Variants in INTU observed in about 807,000 individuals in gnomAD.
The protein encoded by INTU is protein inturned.
A neutral mutation model predicts 100.5 loss-of-function variants in INTU; 68 were observed. That is an observed-to-expected ratio of 0.68 (90% CI 0.56 to 0.83). INTU has a LOEUF of 0.83. INTU is among the 40% of genes least tolerant of loss of function. The pLI is 0.00. For missense variants in INTU, 1,071 were observed against 1,114.7 expected, an observed-to-expected ratio of 0.96 and a Z score of 0.56; for synonymous variants, 357 against 395.7, an observed-to-expected ratio of 0.90 and a Z score of 1.16.
At chr4:127,674,009 C>G (rs546379232) in intron 5 of INTU, 115 bp from the exon 6 acceptor site, 36 of 525,492 alleles carry the variant, frequency 6.9e-5, no homozygotes, top group African/African-American at 6.7e-4. Context: ...AAAGAAATCA[C>G]TTATTAAGTA....
At chr4:127,671,586 A>G (rs4834209) in intron 5 of INTU, among the ~76,000 whole-genome samples, 66,818 of 151,854 alleles carry the variant, frequency 0.44, 15,576 homozygotes, top group South Asian at 0.65. Flanking sequence ...TAGAACTACA[A>G]TTTGATCCAG....
chr4:127,670,002 C>T lies in INTU; in HGVS notation c.1091+848C>T, dbSNP rs530048462. 3.9e-5 allele frequency among the ~76,000 whole-genome samples: 6 copies of T among 151,924 alleles called. No individual in the cohort carries two copies. In the South Asian group the frequency reaches 1.2e-3, roughly 32 times the overall value. Reference sequence around the variant, plus strand: ...AGTGTAGTTAATGATGGATGAGCAACATTGATGTCAAATAATTTTATATTT... The same window carrying T: ...AGTGTAGTTAATGATGGATGAGCAATATTGATGTCAAATAATTTTATATTT... On this transcript the variant is annotated intron_variant, in intron 5 of 15. Transcript: ENST00000335251.
chr4:127,640,161 C>T (rs1727246426), intron 1 of INTU, among the ~76,000 whole-genome samples: 1 of 152,046 alleles, frequency 6.6e-6, no homozygotes, highest in Admixed American at 6.6e-5. Context: ...GGAACTTAAC[C>T]ATGTCAGGAA....
Position 127,726,043 on chromosome 4 carries a change from T to A in INTU, c.*9607T>A, listed in dbSNP as rs1221725581. On this transcript the variant is annotated 3_prime_UTR_variant, in exon 16 of 16. Coordinates refer to ENST00000335251, the MANE Select transcript of INTU (RefSeq NM_015693.4). ...GCAAATGTTCCCTTCCACCAACAACTATTAATGTGAAAAACTATATATAGC... is the reference window on the plus strand; with the variant it reads ...GCAAATGTTCCCTTCCACCAACAACAATTAATGTGAAAAACTATATATAGC... 1 of 152,230 alleles carries A rather than the reference T, an allele frequency of 6.6e-6. No individual in the cohort carries two copies. The highest frequency in any genetic ancestry group is 2.4e-5 in the African/African-American group (1 of 41,458). The allele number at this position is 152,230 out of a possible 1,614,324, so 9.4% of individuals were successfully genotyped here.
chr4:127,672,674 C>T (rs548669571), intron 5 of INTU, among the ~76,000 whole-genome samples: 1 of 152,034 alleles, frequency 6.6e-6, no homozygotes, highest in East Asian at 1.9e-4. Context: ...GTTGCATACA[C>T]ACTTTTTAAA....
Position 127,687,772 on chromosome 4 carries a change from G to T in INTU, c.1354G>T (p.Ala452Ser). 2 of 1,613,472 alleles carry T rather than the reference G, an allele frequency of 1.2e-6. No homozygotes were observed. The highest frequency in any genetic ancestry group is 2.2e-5 in the East Asian group (1 of 44,850). Reference sequence around the variant, plus strand: ...TCAGCCTGCGAAACTGCATTCCAGCGCCAGTCCCAGTGCTCAGCAGTACGA... The same window carrying T: ...TCAGCCTGCGAAACTGCATTCCAGCTCCAGTCCCAGTGCTCAGCAGTACGA... The part of the protein sequence containing the change: ...ALQPAKLHSS[A>S]SPSAQQYDAS... Residue 452 changes from alanine (A) to serine (S), a missense_variant, in exon 8 of 16, where the codon GCC becomes TCC. Coordinates refer to ENST00000335251, the MANE Select transcript of INTU (RefSeq NM_015693.4).
chr4:127,643,736 A>G lies in INTU; in HGVS notation c.362A>G (p.Lys121Arg), dbSNP rs1727437822. The G allele has an allele frequency of 1.9e-6, 3 of 1,610,642 alleles. No individual in the cohort carries two copies. Among genetic ancestry groups the G allele is most frequent in the Non-Finnish European group, 2.5e-6 (3 of 1,179,116 alleles). ...CAGTTTACCAAAATTTTAAGAAGGAAAAGACTTTTACCCAAGCGCTGCAAT... is the reference window on the plus strand; with the variant it reads ...CAGTTTACCAAAATTTTAAGAAGGAGAAGACTTTTACCCAAGCGCTGCAAT... Reference protein sequence around the residue: ...LKQFTKILRRKRLLPKRCNKK... With the variant: ...LKQFTKILRRRRLLPKRCNKK... The change falls in exon 2 of 16, where the codon AAA (lysine) becomes AGA (arginine). Residue 121 changes from lysine to arginine, a missense_variant. Transcript: ENST00000335251.
At chr4:127,661,490 C>T (rs745807824) in intron 3 of INTU, among the ~76,000 whole-genome samples, 1 of 152,116 alleles carries the variant, frequency 6.6e-6, no homozygotes, top group Non-Finnish European at 1.5e-5. Context: ...ACTTCTTATG[C>T]ACAACTCTCA....
At chr4:127,707,741 C>G (rs1037420473) in intron 12 of INTU, among the ~76,000 whole-genome samples, 1 of 152,136 alleles carries the variant, frequency 6.6e-6, no homozygotes, top group Non-Finnish European at 1.5e-5. Context: ...AAAGTTGACT[C>G]TAAAGAGGAT....
At chr4:127,713,859 T>C in intron 14 of INTU, 77 bp from the exon 15 acceptor site, 1 of 1,053,414 alleles carries the variant, frequency 9.5e-7, no homozygotes, top group South Asian at 2.0e-5. Context: ...ATCAGCCAAT[T>C]CAGATTACTC....
Position 127,716,447 on chromosome 4 carries a change from T to C in INTU, c.*11T>C. On this transcript the variant is annotated 3_prime_UTR_variant, in exon 16 of 16. Transcript: ENST00000335251. Reference sequence around the variant, plus strand: ...GGGTTAACCTTGTAGCTGTGCTTTCTTGATGCGTAGAAACACGTGCATGGA... The same window carrying C: ...GGGTTAACCTTGTAGCTGTGCTTTCCTGATGCGTAGAAACACGTGCATGGA... 1 of 1,361,384 alleles carries C rather than the reference T, an allele frequency of 7.3e-7. No individual in the cohort carries two copies. The highest frequency in any genetic ancestry group is 1.0e-6 in the Non-Finnish European group (1 of 977,566). 84.3% of individuals were successfully genotyped at this position (1,361,384 alleles called of 1,614,324 possible). A position where few individuals can be genotyped will look rare whatever the true frequency, so the allele number is the denominator to read the frequency against.
chr4:127,675,493 A>T (rs1187309304), intron 6 of INTU, among the ~76,000 whole-genome samples: 1 of 152,228 alleles, frequency 6.6e-6, no homozygotes, highest in East Asian at 1.9e-4. Flanking sequence ...TCCCAAAAAC[A>T]TAGGGGTAAT....
intron 8 of INTU, among the ~76,000 whole-genome samples, chr4:127,695,253 A>G (rs995237781): frequency 1.2e-4 from 19 of 152,272 alleles, no homozygotes; most frequent in Admixed American, 9.2e-4. Context: ...GCTAAGGTAC[A>G]TGGTATTGTG....
At chr4:127,710,769 C>G (rs1241281719) in intron 13 of INTU, 144 bp from the exon 14 acceptor site, 6 of 447,042 alleles carry the variant, frequency 1.3e-5, no homozygotes, top group African/African-American at 2.0e-5. Flanking sequence ...AAATGTTTAG[C>G]CCAGTTTCCC....
chr4:127,655,360 A>G (rs1395869507), intron 2 of INTU, among the ~76,000 whole-genome samples: 2 of 151,182 alleles, frequency 1.3e-5, no homozygotes, highest in Non-Finnish European at 2.9e-5. Context: ...GGTTTTATCT[A>G]CTTTTGGTCT....
At chr4:127,656,103 C>G (rs1056010398) in intron 2 of INTU, among the ~76,000 whole-genome samples, 2 of 152,184 alleles carry the variant, frequency 1.3e-5, no homozygotes, top group African/African-American at 2.4e-5. Flanking sequence ...TGCGCACCCA[C>G]TGACCTACGC....
intron 2 of INTU, among the ~76,000 whole-genome samples, chr4:127,654,557 C>T (rs543143093): frequency 1.2e-4 from 19 of 152,314 alleles, no homozygotes; most frequent in Middle Eastern, 3.4e-3. Flanking sequence ...GGCCCCCACT[C>T]TCTTCTGGCT....
At chr4:127,656,453 A>T (rs1322507842) in intron 2 of INTU, among the ~76,000 whole-genome samples, 183 bp from the exon 3 acceptor site, 2 of 152,224 alleles carry the variant, frequency 1.3e-5, no homozygotes, top group Admixed American at 6.5e-5. Flanking sequence ...TAAGAAGAGT[A>T]AAGTTAGGAG....
chr4:127,648,867 G>C (rs1330224392), intron 2 of INTU, among the ~76,000 whole-genome samples: 1 of 151,326 alleles, frequency 6.6e-6, no homozygotes, highest in African/African-American at 2.4e-5. Flanking sequence ...GTTTATTTTG[G>C]TCTGCAAGTT....
Sources: allele counts gnomAD v4.1 joint callset (sites outside exome capture counted in the v4.1 genomes callset), GRCh38; gene constraint gnomAD v4.1.1; transcripts MANE v1.5; gene names NCBI Gene and HGNC (gene_info 2026-07-23, HGNC 2026-07-21).